ARHGAP6: variants seen among roughly 807,000 people sequenced by gnomAD.
The protein encoded by ARHGAP6 is rho GTPase-activating protein 6.
A neutral mutation model predicts 55.7 loss-of-function variants in ARHGAP6; 16 were observed. The observed-to-expected ratio is 0.29, with a 90% CI of 0.19 to 0.44. ARHGAP6 has a LOEUF of 0.44. Among genes scored for constraint, ARHGAP6 ranks in the 20% least tolerant of loss-of-function variants. ARHGAP6 has a pLI of 1.00. For synonymous variants in ARHGAP6, 382 were observed against 360.9 expected, an observed-to-expected ratio of 1.06 and a Z score of -0.66; for missense variants, 698 against 808.9, an observed-to-expected ratio of 0.86 and a Z score of 1.66.
chrX:11,439,446 A>G (rs1429053736), intron 1 of ARHGAP6, among the ~76,000 whole-genome samples: 1 of 112,463 alleles, frequency 8.9e-6, no homozygotes, highest in Non-Finnish European at 1.9e-5. Context: ...GACCAACTGC[A>G]TGTTCACTAA....
chrX:11,477,162 A>T (rs778623161), intron 1 of ARHGAP6, among the ~76,000 whole-genome samples: 7 of 63,939 alleles, frequency 1.1e-4, no homozygotes, highest in Admixed American at 1.7e-4. Flanking sequence ...CAAATATGAT[A>T]AAAAAAAAAA....
intron 1 of ARHGAP6, among the ~76,000 whole-genome samples, chrX:11,434,980 T>G (rs2049974264): frequency 8.9e-6 from 1 of 112,244 alleles, no homozygotes; most frequent in African/African-American, 3.2e-5. Flanking sequence ...TTGATTATTT[T>G]CTTTGGGGAC....
At chrX:11,569,820 C>T (rs757607354) in intron 1 of ARHGAP6, among the ~76,000 whole-genome samples, 1 of 112,104 alleles carries the variant, frequency 8.9e-6, no homozygotes, top group African/African-American at 3.2e-5. Flanking sequence ...CTTCATTCCA[C>T]AGAGGACTCA....
chrX:11,319,627 A>C, intron 1 of ARHGAP6, among the ~76,000 whole-genome samples: 1 of 112,492 alleles, frequency 8.9e-6, no homozygotes, highest in Non-Finnish European at 1.9e-5. Flanking sequence ...ACAGTGTTAA[A>C]TACTACACAA....
intron 1 of ARHGAP6, among the ~76,000 whole-genome samples, chrX:11,379,362 G>C (rs1020632821): frequency 4.5e-5 from 5 of 112,254 alleles, no homozygotes; most frequent in Non-Finnish European, 9.4e-5. Flanking sequence ...ACAGGGATGA[G>C]TGGAACACTG....
chrX:11,302,179 G>C (rs2048182603), intron 1 of ARHGAP6, among the ~76,000 whole-genome samples: 1 of 112,117 alleles, frequency 8.9e-6, no homozygotes. Flanking sequence ...CATTTTAAGC[G>C]CTAAATAGCC....
intron 5 of ARHGAP6, among the ~76,000 whole-genome samples, chrX:11,184,410 C>A (rs751513167): frequency 1.8e-4 from 20 of 112,289 alleles, no homozygotes; most frequent in Non-Finnish European, 2.1e-4. Context: ...AACATTATTT[C>A]TTTACATCCA....
intron 1 of ARHGAP6, among the ~76,000 whole-genome samples, chrX:11,600,182 G>A (rs1192056724): frequency 9.0e-6 from 1 of 111,583 alleles, no homozygotes; most frequent in Admixed American, 9.6e-5. Flanking sequence ...GAATTCCTGG[G>A]AATCCAAGGT....
At chrX:11,184,982 G>A in intron 5 of ARHGAP6, among the ~76,000 whole-genome samples, 1 of 112,086 alleles carries the variant, frequency 8.9e-6, no homozygotes, top group Middle Eastern at 4.6e-3. Flanking sequence ...TGTACAGCAT[G>A]CGACTGTGCT....
chrX:11,602,541 A>G (rs2051988910), intron 1 of ARHGAP6, among the ~76,000 whole-genome samples: 1 of 112,787 alleles, frequency 8.9e-6, no homozygotes, highest in African/African-American at 3.2e-5. Context: ...CAAGTTCAGG[A>G]AGAAATAACT....
intron 1 of ARHGAP6, among the ~76,000 whole-genome samples, chrX:11,458,264 T>A (rs1355160589): frequency 8.9e-6 from 1 of 112,556 alleles, no homozygotes; most frequent in East Asian, 2.8e-4. Flanking sequence ...AAGACTTTAG[T>A]AAGGCTGCGG....
At chrX:11,293,643 C>G (rs1415256889) in intron 1 of ARHGAP6, among the ~76,000 whole-genome samples, 4 of 111,910 alleles carry the variant, frequency 3.6e-5, no homozygotes, top group African/African-American at 1.3e-4. Flanking sequence ...TGATTTTTAA[C>G]TTTATAATGC....
At chrX:11,183,549 T>A (rs2046347973) in intron 5 of ARHGAP6, among the ~76,000 whole-genome samples, 1 of 112,265 alleles carries the variant, frequency 8.9e-6, no homozygotes, top group Admixed American at 9.4e-5. Context: ...GCATTAAATT[T>A]CCAGTCAACA....
chrX:11,655,982 T>G (rs1346022008), intron 1 of ARHGAP6, among the ~76,000 whole-genome samples: 1 of 112,753 alleles, frequency 8.9e-6, no homozygotes. Flanking sequence ...TGTCATGACA[T>G]GTACCAGAGT....
chrX:11,662,491 C>T (rs2052713115), intron 1 of ARHGAP6, among the ~76,000 whole-genome samples: 1 of 111,890 alleles, frequency 8.9e-6, no homozygotes, highest in African/African-American at 3.3e-5. Context: ...TTTTAACCAC[C>T]ATGAAAAGGT....
intron 1 of ARHGAP6, among the ~76,000 whole-genome samples, chrX:11,555,562 G>A (rs1321225600): frequency 1.8e-5 from 2 of 110,178 alleles, no homozygotes; most frequent in East Asian, 2.8e-4. Flanking sequence ...GAGACCAGCC[G>A]GCCAATATGG....
At chrX:11,272,228 A>C (rs1018984989) in intron 1 of ARHGAP6, among the ~76,000 whole-genome samples, 7 of 111,721 alleles carry the variant, frequency 6.3e-5, no homozygotes, top group Non-Finnish European at 1.3e-4. Flanking sequence ...CCACAGGTGG[A>C]TAGTGGCTAC....
intron 1 of ARHGAP6, among the ~76,000 whole-genome samples, chrX:11,585,027 C>G (rs992496327): frequency 1.8e-5 from 2 of 111,740 alleles, no homozygotes; most frequent in South Asian, 7.5e-4. Context: ...TGAGAACATA[C>G]AGTATTTGGT....
At chrX:11,490,636 C>A (rs1195553297) in intron 1 of ARHGAP6, among the ~76,000 whole-genome samples, 2 of 111,685 alleles carry the variant, frequency 1.8e-5, no homozygotes, top group Non-Finnish European at 3.8e-5. Context: ...AAATGGTGTC[C>A]CAGATGGTGC....
Sources: gnomAD v4.1 joint callset for allele counts (sites outside exome capture counted in the v4.1 genomes callset) on GRCh38, gnomAD v4.1.1 for gene constraint, MANE v1.5 for transcripts, NCBI Gene and HGNC (gene_info 2026-07-23, HGNC 2026-07-21) for gene names.